The following HLCS variants were observed in gnomAD, a reference collection of about 807,000 sequenced individuals.
The protein encoded by HLCS is biotin--protein ligase.
In HLCS, 53 loss-of-function variants were observed where a neutral mutation model predicts 75.0. The ratio of observed to expected loss-of-function variants is 0.71; its 90% CI spans 0.57 to 0.89. HLCS has a LOEUF of 0.89. Among genes scored for constraint, HLCS ranks in the 40% least tolerant of loss-of-function variants. HLCS has a pLI of 0.00. For missense variants in HLCS, 966 were observed against 1,074.0 expected, an observed-to-expected ratio of 0.90 and a Z score of 1.41; for synonymous variants, 431 against 428.6, an observed-to-expected ratio of 1.01 and a Z score of -0.07.
chr21:36,904,905 T>C (rs1297027966), intron 5 of HLCS, among the ~76,000 whole-genome samples: 1 of 152,216 alleles, frequency 6.6e-6, no homozygotes, highest in African/African-American at 2.4e-5. Flanking sequence ...GTTTGGATCA[T>C]AGACATCAAG....
At chr21:36,791,818 A>T (rs1220704336) in intron 6 of HLCS, among the ~76,000 whole-genome samples, 1 of 151,902 alleles carries the variant, frequency 6.6e-6, no homozygotes, top group East Asian at 1.9e-4. Flanking sequence ...TGGCTCCAAA[A>T]CCCTTGCAGC....
At chr21:36,983,661 C>CCATGTTACTA (rs1331865913) in intron 1 of HLCS, among the ~76,000 whole-genome samples, 1 of 151,456 alleles carries the variant, frequency 6.6e-6, no homozygotes, top group Non-Finnish European at 1.5e-5. Flanking sequence ...CATGGTGAAA[C>CCATGTTACTA]CCAGTCTCTA....
intron 9 of HLCS, chr21:36,759,039 A>G (rs2089721310): frequency 2.1e-6 from 1 of 465,760 alleles, no homozygotes; most frequent in Non-Finnish European, 4.4e-6. Context: ...GCTTGCCTAG[A>G]ATAATATTGC....
intron 5 of HLCS, among the ~76,000 whole-genome samples, chr21:36,924,008 G>A (rs2845815): frequency 1.6e-3 from 248 of 152,258 alleles, no homozygotes; most frequent in Non-Finnish European, 2.2e-3. Flanking sequence ...TAAAACAGCC[G>A]CACAAGACCA....
chr21:36,834,356 A>T (rs1419268585), intron 6 of HLCS, among the ~76,000 whole-genome samples: 1 of 152,180 alleles, frequency 6.6e-6, no homozygotes, highest in Non-Finnish European at 1.5e-5. Flanking sequence ...GAGAAAAGGG[A>T]ATGTCACTGA....
intron 6 of HLCS, among the ~76,000 whole-genome samples, chr21:36,840,278 T>C (rs2062570207): frequency 2.0e-5 from 3 of 152,196 alleles, no homozygotes; most frequent in Admixed American, 6.5e-5. Flanking sequence ...TTAGAAAAGG[T>C]AGGTGAATAT....
intron 3 of HLCS, among the ~76,000 whole-genome samples, chr21:36,938,110 G>T (rs368696077): frequency 2.0e-4 from 30 of 152,234 alleles, no homozygotes; most frequent in Admixed American, 1.1e-3. Context: ...CCTGAAAAAC[G>T]ATTTGTCCCA....
At chr21:36,947,323 G>A in intron 2 of HLCS, 1 of 984,888 alleles carries the variant, frequency 1.0e-6, no homozygotes, top group Non-Finnish European at 1.2e-6. Context: ...TCTGCCAACT[G>A]TTTCCTCACC....
intron 2 of HLCS, among the ~76,000 whole-genome samples, chr21:36,956,897 C>CA (rs2067991537): frequency 6.7e-6 from 1 of 150,364 alleles, no homozygotes. Context: ...ACTAAAAATA[C>CA]AAAAAATTAG....
intron 6 of HLCS, among the ~76,000 whole-genome samples, chr21:36,834,956 T>G (rs1475815679): frequency 6.6e-6 from 1 of 152,110 alleles, no homozygotes; most frequent in East Asian, 1.9e-4. Context: ...CAGCAGGAAG[T>G]GTGGGGGGTC....
At chr21:36,831,909 C>A (rs1399768992) in intron 6 of HLCS, among the ~76,000 whole-genome samples, 24 of 152,114 alleles carry the variant, frequency 1.6e-4, no homozygotes, top group Admixed American at 1.6e-3. Context: ...TCCCTAATGA[C>A]CTGCCCTGAG....
At chr21:36,761,061 C>T (rs1429582003) in intron 8 of HLCS, among the ~76,000 whole-genome samples, 1 of 152,238 alleles carries the variant, frequency 6.6e-6, no homozygotes, top group African/African-American at 2.4e-5. Flanking sequence ...CGGGGCTGGT[C>T]TTCCCACGTT....
At chr21:36,859,368 T>C (rs991134751) in intron 6 of HLCS, among the ~76,000 whole-genome samples, 2 of 152,228 alleles carry the variant, frequency 1.3e-5, no homozygotes, top group Non-Finnish European at 2.9e-5. Context: ...CTTTCCTGAC[T>C]TGGTTCTCCT....
In HLCS at chr21:36,857,868, C is replaced by T. The variant is rs960107900; in HGVS notation, c.1892+38992G>A. ...GCAGTGGTGCAATCTCGGCTCAATG[C>T]AACCTCTCCCTCCCAGGTTCAAGTG... On this transcript the variant is annotated intron_variant, in intron 6 of 10. Transcript: ENST00000674895. Among the ~76,000 whole-genome samples the T allele has an allele frequency of 7.2e-5, 11 of 152,134 alleles. No individual in the cohort carries two copies. In the South Asian group the frequency reaches 8.3e-4, roughly 11 times the overall value.
chr21:36,969,491 T>G (rs1435908023), upstream of HLCS: 1 of 152,102 alleles, frequency 6.6e-6, no homozygotes, highest in Admixed American at 6.6e-5. Flanking sequence ...ACTGCTAACA[T>G]CTTCCTCTGT....
At position 36,957,002 on chromosome 21, in the gene HLCS, A is replaced by G. The variant is rs139649459; in HGVS notation, c.330+5034T>C. ...CAGGAGGTAGATGTTGCAGTGAGCCAAGATTGCACCACTGCAGTCCAGCCT... is the reference window on the plus strand; with the variant it reads ...CAGGAGGTAGATGTTGCAGTGAGCCGAGATTGCACCACTGCAGTCCAGCCT... On this transcript the variant is annotated intron_variant, in intron 2 of 10. Coordinates refer to ENST00000674895, the MANE Select transcript of HLCS (RefSeq NM_001352514.2). 4.0e-5 allele frequency among the ~76,000 whole-genome samples: 6 copies of G among 149,600 alleles called. No homozygotes were observed. In the East Asian group the frequency reaches 1.2e-3, roughly 30 times the overall value.
At chr21:36,989,271 AGCGTGCTGGGATTACAG>A (rs1193338633) in intron 1 of HLCS, among the ~76,000 whole-genome samples, 3 of 142,212 alleles carry the variant, frequency 2.1e-5, no homozygotes, top group African/African-American at 8.1e-5. Flanking sequence ...TAGGCCTCCC[AGCGTGCTGGGATTACAG>A]GCGTGAGCCA....
intron 5 of HLCS, among the ~76,000 whole-genome samples, chr21:36,913,831 G>A (rs2065820277): frequency 6.6e-6 from 1 of 152,208 alleles, no homozygotes; most frequent in Admixed American, 6.5e-5. Context: ...AGACAAGGCT[G>A]TGAGAGGACA....
chr21:36,789,682 AC>A (rs2060799997), intron 6 of HLCS, among the ~76,000 whole-genome samples: 1 of 152,248 alleles, frequency 6.6e-6, no homozygotes, highest in Admixed American at 6.5e-5. Context: ...ATTTCATCAC[AC>A]ATACTAACAC....
Sources: gnomAD v4.1 joint callset for allele counts (sites outside exome capture counted in the v4.1 genomes callset) on GRCh38, gnomAD v4.1.1 for gene constraint, MANE v1.5 for transcripts, NCBI Gene and HGNC (gene_info 2026-07-23, HGNC 2026-07-21) for gene names.